The following FGGY variants were observed in gnomAD, a reference collection of about 807,000 sequenced individuals.
FGGY encodes FGGY carbohydrate kinase domain-containing protein.
FGGY carries 72 observed loss-of-function variants against 71.3 expected under a neutral mutation model. That is an observed-to-expected ratio of 1.01 (90% confidence interval 0.84 to 1.23). The LOEUF (loss-of-function observed/expected upper bound fraction) is 1.23, where lower values mean the gene tolerates loss of function less well. FGGY is among the 50% of genes most tolerant of loss of function. The pLI is 0.00. For synonymous variants in FGGY, 251 were observed against 250.3 expected, an observed-to-expected ratio of 1.00 and a Z score of -0.02; for missense variants, 668 against 682.3, an observed-to-expected ratio of 0.98 and a Z score of 0.23.
At chr1:59,617,690 C>CA (rs1434835868) in intron 9 of FGGY, among the ~76,000 whole-genome samples, 1 of 152,096 alleles carries the variant, frequency 6.6e-6, no homozygotes, top group Admixed American at 6.6e-5. Context: ...GGACCTTGGC[C>CA]ATCACCCTTT....
At chr1:59,470,686 C>A (rs979601171) in intron 6 of FGGY, among the ~76,000 whole-genome samples, 2 of 152,208 alleles carry the variant, frequency 1.3e-5, no homozygotes, top group Non-Finnish European at 2.9e-5. Flanking sequence ...TGCATTATGT[C>A]CAGTGCTGGA....
intron 7 of FGGY, among the ~76,000 whole-genome samples, chr1:59,551,600 G>C (rs683663): frequency 8.7e-4 from 132 of 151,914 alleles, no homozygotes; most frequent in African/African-American, 3.1e-3. Flanking sequence ...CCTGGCTATT[G>C]GATTTTTATC....
At chr1:59,330,582 A>AAT (rs2048285942) in intron 2 of FGGY, among the ~76,000 whole-genome samples, 2 of 148,852 alleles carry the variant, frequency 1.3e-5, no homozygotes, top group South Asian at 4.2e-4. Context: ...AAAAAAAAAA[A>AAT]GAAAAGAAAA....
At chr1:59,540,981 A>T (rs949751663) in intron 7 of FGGY, among the ~76,000 whole-genome samples, 1 of 152,124 alleles carries the variant, frequency 6.6e-6, no homozygotes, top group Non-Finnish European at 1.5e-5. Context: ...TAAGGGAAAA[A>T]TTATGTTATG....
chr1:59,564,077 C>G (rs59416792), intron 8 of FGGY, among the ~76,000 whole-genome samples: 209 of 152,172 alleles, frequency 1.4e-3, no homozygotes, highest in African/African-American at 4.7e-3. Context: ...GACCTGAAAC[C>G]GTAAAAAACC....
Position 59,728,824 on chromosome 1 carries a change from CTT to C in FGGY, c.1513-29105_1513-29104del, listed in dbSNP as rs2097985175. ...GCTTCTTTCAAAATTCCCTCTTTGTCTTTGGTTTTAATTTTGATTATGATTTG... is the reference window on the plus strand; with the variant it reads ...GCTTCTTTCAAAATTCCCTCTTTGTCTGGTTTTAATTTTGATTATGATTTG... On this transcript the variant is annotated intron_variant, in intron 14 of 15. Transcript: ENST00000303721. Among the ~76,000 whole-genome samples, 3 of 151,902 alleles carry C rather than the reference CTT, an allele frequency of 2.0e-5. No individual in the cohort carries two copies. In the South Asian group the frequency reaches 6.2e-4, roughly 31 times the overall value.
intron 11 of FGGY, among the ~76,000 whole-genome samples, chr1:59,640,955 A>G (rs1030907775): frequency 2.7e-5 from 4 of 150,884 alleles, no homozygotes; most frequent in Admixed American, 6.6e-5. Context: ...CAGACAAAAT[A>G]TATAAACAGG....
intron 8 of FGGY, among the ~76,000 whole-genome samples, chr1:59,576,529 G>T (rs1367366240): frequency 3.3e-5 from 5 of 152,060 alleles, no homozygotes; most frequent in African/African-American, 1.2e-4. Context: ...TAACAAACCT[G>T]CACGTTCTGC....
chr1:59,762,432 C>G, intron 15 of FGGY, 71 bp from the exon 16 acceptor site: 1 of 1,163,656 alleles, frequency 8.6e-7, no homozygotes, highest in South Asian at 1.3e-5. Context: ...TTCCATTCTT[C>G]TAAATGTACA....
At chr1:59,702,399 T>C (rs1181730947) in intron 14 of FGGY, among the ~76,000 whole-genome samples, 1 of 152,192 alleles carries the variant, frequency 6.6e-6, no homozygotes, top group African/African-American at 2.4e-5. Context: ...AAGTAGATTA[T>C]TCAGTGACTT....
intron 14 of FGGY, among the ~76,000 whole-genome samples, chr1:59,676,437 G>A (rs1033544029): frequency 1.3e-5 from 2 of 151,442 alleles, no homozygotes; most frequent in African/African-American, 4.9e-5. Flanking sequence ...TCACAAATCA[G>A]GAGATAGTCT....
intron 2 of FGGY, among the ~76,000 whole-genome samples, chr1:59,324,316 G>A (rs1232439049): frequency 3.6e-5 from 4 of 109,892 alleles, no homozygotes; most frequent in Admixed American, 1.4e-4. Flanking sequence ...TCGCTCTGTC[G>A]CCCAGGCTGG....
intron 6 of FGGY, among the ~76,000 whole-genome samples, chr1:59,479,517 A>G (rs924778155): frequency 6.6e-6 from 1 of 152,160 alleles, no homozygotes; most frequent in Non-Finnish European, 1.5e-5. Flanking sequence ...TTTCTATTTT[A>G]ATAGGTAGGA....
chr1:59,473,429 C>T (rs561278294), intron 6 of FGGY, among the ~76,000 whole-genome samples: 2 of 152,178 alleles, frequency 1.3e-5, no homozygotes, highest in African/African-American at 2.4e-5. Flanking sequence ...TAACACTCAC[C>T]GTGAGGGTCC....
At chr1:59,484,959 A>G (rs965920820) in intron 6 of FGGY, among the ~76,000 whole-genome samples, 2 of 152,226 alleles carry the variant, frequency 1.3e-5, no homozygotes, top group African/African-American at 4.8e-5. Context: ...ATCTTTTTAA[A>G]AAATCAATTT....
chr1:59,324,755 C>T (rs1014568143), intron 2 of FGGY, among the ~76,000 whole-genome samples: 2 of 152,130 alleles, frequency 1.3e-5, no homozygotes, highest in Non-Finnish European at 2.9e-5. Flanking sequence ...GCCATATCTC[C>T]CTCCACATGA....
chr1:59,734,218 T>C (rs537704948), intron 14 of FGGY, among the ~76,000 whole-genome samples: 2 of 152,194 alleles, frequency 1.3e-5, no homozygotes, highest in Non-Finnish European at 2.9e-5. Context: ...ATAAGTTCTT[T>C]TCTGAGACAG....
intron 8 of FGGY, among the ~76,000 whole-genome samples, chr1:59,576,737 T>C (rs1297955831): frequency 6.7e-6 from 1 of 148,194 alleles, no homozygotes; most frequent in East Asian, 2.0e-4. Flanking sequence ...ATTGAGTAAA[T>C]GATCTTCCAA....
intron 4 of FGGY, among the ~76,000 whole-genome samples, chr1:59,373,249 ATTCTTATACACC>A (rs2058032631): frequency 6.6e-6 from 1 of 152,178 alleles, no homozygotes; most frequent in African/African-American, 2.4e-5. Context: ...AATCACAAGC[ATTCTTATACACC>A]AATAACAGAC....
Sources: gnomAD v4.1 joint callset for allele counts (sites outside exome capture counted in the v4.1 genomes callset) on GRCh38, gnomAD v4.1.1 for gene constraint, MANE v1.5 for transcripts, NCBI Gene and HGNC (gene_info 2026-07-23, HGNC 2026-07-21) for gene names.